Variants in KCNH7 observed in about 807,000 individuals in gnomAD.
KCNH7 encodes the protein voltage-gated inwardly rectifying potassium channel KCNH7.
Under a neutral mutation model 120.8 loss-of-function variants are expected in KCNH7, and 49 were observed. The observed-to-expected ratio is 0.41, with a 90% CI of 0.32 to 0.51. The LOEUF is 0.51. KCNH7 is among the 20% of genes least tolerant of loss of function. KCNH7 has a pLI of 0.38. For synonymous variants in KCNH7, 547 were observed against 516.1 expected (o/e 1.06, Z -0.81); for missense variants, 1,097 against 1,446.6 (o/e 0.76, Z 3.92).
chr2:162,787,592 A>G (rs1475984242), intron 2 of KCNH7, among the ~76,000 whole-genome samples: 1 of 152,234 alleles, frequency 6.6e-6, no homozygotes, highest in East Asian at 1.9e-4. Flanking sequence ...GCACTACCGC[A>G]GTAGACTGCA....
At position 162,735,673 on chromosome 2, in the gene KCNH7, G is replaced by A. The variant is rs577842263; in HGVS notation, c.307+100864C>T. Among the ~76,000 whole-genome samples the A allele has an allele frequency of 2.6e-5, 4 of 152,242 alleles. No individual in the cohort carries two copies. In the South Asian group the frequency reaches 8.3e-4, roughly 32 times the overall value. On this transcript the variant is annotated intron_variant, in intron 2 of 15. Coordinates refer to ENST00000332142, the MANE Select transcript of KCNH7 (RefSeq NM_033272.4). Reference sequence around the variant, plus strand: ...CCCAGCCAAATATTTTAGTTCCCCAGTTCCTCAGCCTTCTGCTCACAAAAT... The same window carrying A: ...CCCAGCCAAATATTTTAGTTCCCCAATTCCTCAGCCTTCTGCTCACAAAAT...
intron 6 of KCNH7, among the ~76,000 whole-genome samples, chr2:162,467,999 A>C (rs935579621): frequency 6.6e-6 from 1 of 152,184 alleles, no homozygotes; most frequent in Non-Finnish European, 1.5e-5. Flanking sequence ...TCTTTTAATA[A>C]CATCACACTG....
intron 2 of KCNH7, among the ~76,000 whole-genome samples, chr2:162,791,367 C>T (rs1210030165): frequency 1.3e-5 from 2 of 151,960 alleles, no homozygotes; most frequent in Non-Finnish European, 1.5e-5. Flanking sequence ...TTCTAAATTG[C>T]TTTGGGCAGT....
intron 6 of KCNH7, among the ~76,000 whole-genome samples, chr2:162,447,860 A>T (rs535369143): frequency 6.6e-6 from 1 of 152,230 alleles, no homozygotes; most frequent in Admixed American, 6.6e-5. Context: ...CCCAAATGAG[A>T]CACAATATAA....
intron 2 of KCNH7, chr2:162,538,224 T>C (rs1183943201): frequency 6.6e-6 from 1 of 152,094 alleles, no homozygotes; most frequent in East Asian, 1.9e-4. Flanking sequence ...ATATTTTATT[T>C]ACTTATTATT....
intron 7 of KCNH7, among the ~76,000 whole-genome samples, chr2:162,441,996 C>CTTCTTCTTT (rs1688429903): frequency 6.9e-5 from 1 of 14,542 alleles, no homozygotes; most frequent in African/African-American, 2.0e-4. Context: ...ATAGTTAGGT[C>CTTCTTCTTT]TTCTTTTTTT....
At chr2:162,643,804 C>CAAAAAA (rs781089376) in intron 2 of KCNH7, among the ~76,000 whole-genome samples, 6 of 90,380 alleles carry the variant, frequency 6.6e-5, no homozygotes, top group South Asian at 3.4e-4. Context: ...GACTCTATCT[C>CAAAAAA]AAAAAAAAAA....
At chr2:162,463,888 G>A (rs1689229207) in intron 6 of KCNH7, among the ~76,000 whole-genome samples, 1 of 151,270 alleles carries the variant, frequency 6.6e-6, no homozygotes, top group African/African-American at 2.4e-5. Flanking sequence ...AAAATATTAG[G>A]TTTTAATTAT....
chr2:162,812,134 A>G (rs1684751552), intron 2 of KCNH7, among the ~76,000 whole-genome samples: 1 of 152,174 alleles, frequency 6.6e-6, no homozygotes, highest in Non-Finnish European at 1.5e-5. Flanking sequence ...TGTTTTCAAA[A>G]GCTTGATAAG....
At chr2:162,388,789 G>C (rs894067127) in intron 12 of KCNH7, among the ~76,000 whole-genome samples, 2 of 151,924 alleles carry the variant, frequency 1.3e-5, no homozygotes, top group African/African-American at 2.4e-5. Context: ...GATGGCAATG[G>C]AAAATCACTA....
chr2:162,594,951 A>C (rs1285551354), intron 2 of KCNH7, among the ~76,000 whole-genome samples: 2 of 152,082 alleles, frequency 1.3e-5, no homozygotes, highest in Non-Finnish European at 2.9e-5. Flanking sequence ...CACCATGATC[A>C]AGTGGGATTT....
chr2:162,541,662 G>A (rs1417185090), intron 2 of KCNH7, among the ~76,000 whole-genome samples: 1 of 152,044 alleles, frequency 6.6e-6, no homozygotes, highest in Non-Finnish European at 1.5e-5. Flanking sequence ...ATACATGTGG[G>A]GGAACAACAC....
chr2:162,548,742 T>C (rs897970405), intron 2 of KCNH7, among the ~76,000 whole-genome samples: 2 of 152,188 alleles, frequency 1.3e-5, no homozygotes, highest in African/African-American at 4.8e-5. Context: ...AATAAGTTAC[T>C]TAACTGCTCT....
At chr2:162,435,836 A>G (rs185533969) in intron 7 of KCNH7, among the ~76,000 whole-genome samples, 46 of 152,234 alleles carry the variant, frequency 3.0e-4, no homozygotes, top group African/African-American at 1.1e-3. Context: ...TGGGGCACAG[A>G]ATCTGTCTTG....
At chr2:162,419,148 C>A (rs544691019) in intron 9 of KCNH7, among the ~76,000 whole-genome samples, 1 of 151,612 alleles carries the variant, frequency 6.6e-6, no homozygotes, top group Admixed American at 6.6e-5. Context: ...TCTTTCCTGC[C>A]TGTCTTTAAG....
intron 2 of KCNH7, among the ~76,000 whole-genome samples, chr2:162,802,371 G>C (rs778012984): frequency 1.3e-5 from 2 of 151,670 alleles, no homozygotes; most frequent in Non-Finnish European, 1.5e-5. Flanking sequence ...CTCCACATTA[G>C]CTTCTGAATT....
At chr2:162,529,635 C>T (rs1691845645) in intron 3 of KCNH7, among the ~76,000 whole-genome samples, 1 of 151,894 alleles carries the variant, frequency 6.6e-6, no homozygotes, top group East Asian at 2.0e-4. Context: ...GGGCATTAAT[C>T]ACGTAAACAA....
At chr2:162,503,879 T>C (rs1274755774) in intron 6 of KCNH7, among the ~76,000 whole-genome samples, 2 of 152,192 alleles carry the variant, frequency 1.3e-5, no homozygotes, top group South Asian at 2.1e-4. Flanking sequence ...TGAAGCAGTA[T>C]ACCTGCTAGC....
chr2:162,634,881 A>T, intron 2 of KCNH7, among the ~76,000 whole-genome samples: 1 of 152,124 alleles, frequency 6.6e-6, no homozygotes, highest in East Asian at 1.9e-4. Flanking sequence ...ACAATAGTCA[A>T]AAAATATTAA....
Sources: allele counts gnomAD v4.1 joint callset (sites outside exome capture counted in the v4.1 genomes callset), GRCh38; gene constraint gnomAD v4.1.1; transcripts MANE v1.5; gene names NCBI Gene and HGNC (gene_info 2026-07-23, HGNC 2026-07-21).